NKAIN3: variants seen among roughly 807,000 people sequenced by gnomAD.
NKAIN3 encodes the protein sodium/potassium transporting ATPase interacting 3, also known as sodium/potassium-transporting ATPase subunit beta-1-interacting protein 3.
A neutral mutation model predicts 30.2 loss-of-function variants in NKAIN3; 25 were observed. The ratio of observed to expected loss-of-function variants is 0.83; its 90% CI spans 0.60 to 1.16. The LOEUF is 1.16. NKAIN3 is among the 50% of genes most tolerant of loss of function. NKAIN3 has a pLI of 0.00. For missense variants in NKAIN3, 225 were observed against 254.1 expected, an observed-to-expected ratio of 0.89 and a Z score of 0.78; for synonymous variants, 91 against 89.6, an observed-to-expected ratio of 1.02 and a Z score of -0.09.
chr8:62,475,307 T>C (rs1806483309), intron 1 of NKAIN3, among the ~76,000 whole-genome samples: 1 of 152,206 alleles, frequency 6.6e-6, no homozygotes, highest in African/African-American at 2.4e-5. Context: ...TTACTATCTC[T>C]ATCTTTGCTA....
rs548490244 is a variant in NKAIN3, at chr8:62,969,482, C to A, written c.*4075C>A. Among the ~76,000 whole-genome samples, 2 of 152,146 alleles carry A rather than the reference C, an allele frequency of 1.3e-5. No individual in the cohort carries two copies. Among genetic ancestry groups the A allele is most frequent in the African/African-American group, 4.8e-5 (2 of 41,434 alleles). ...CTTCATTTCATACCTAATTTTAAAACGAATTGTGTCCCCAAATATGGTCTA... is the reference window on the plus strand; with the variant it reads ...CTTCATTTCATACCTAATTTTAAAAAGAATTGTGTCCCCAAATATGGTCTA... On this transcript the variant is annotated 3_prime_UTR_variant, in exon 7 of 7. Transcript: ENST00000623646.
intron 1 of NKAIN3, among the ~76,000 whole-genome samples, chr8:62,570,457 G>A (rs1032103131): frequency 3.9e-5 from 6 of 152,164 alleles, no homozygotes; most frequent in Non-Finnish European, 7.3e-5. Context: ...TGGACTTACA[G>A]TTCCACGTGG....
chr8:62,918,241 C>T (rs760920225), intron 4 of NKAIN3, among the ~76,000 whole-genome samples: 8 of 152,156 alleles, frequency 5.3e-5, no homozygotes, highest in Non-Finnish European at 8.8e-5. Context: ...CTGGTTTCTT[C>T]CCCCATTTCT....
At chr8:62,474,824 G>A (rs1336587247) in intron 1 of NKAIN3, among the ~76,000 whole-genome samples, 1 of 151,978 alleles carries the variant, frequency 6.6e-6, no homozygotes, top group Non-Finnish European at 1.5e-5. Flanking sequence ...GATCTAATAA[G>A]GAATAAAGAA....
At chr8:62,890,008 A>T (rs1821256129) in intron 4 of NKAIN3, among the ~76,000 whole-genome samples, 1 of 152,190 alleles carries the variant, frequency 6.6e-6, no homozygotes, top group Non-Finnish European at 1.5e-5. Context: ...TACAAGCTCT[A>T]TATTCACCTT....
At chr8:62,451,778 T>A (rs1563404895) in intron 1 of NKAIN3, among the ~76,000 whole-genome samples, 1 of 152,184 alleles carries the variant, frequency 6.6e-6, no homozygotes, top group Non-Finnish European at 1.5e-5. Flanking sequence ...AACACAATTT[T>A]AAAATATTCA....
chr8:62,759,312 G>A lies in NKAIN3; in HGVS notation c.471+12183G>A, dbSNP rs560067680. ...CTAAATTTTAACAATATTTAATTTAGTAATGGTAGAAATCAATTCAATGAT... is the reference window on the plus strand; with the variant it reads ...CTAAATTTTAACAATATTTAATTTAATAATGGTAGAAATCAATTCAATGAT... On this transcript the variant is annotated intron_variant, in intron 4 of 6. Coordinates refer to ENST00000623646, the MANE Select transcript of NKAIN3 (RefSeq NM_001304533.3). 2.0e-5 allele frequency among the ~76,000 whole-genome samples: 3 copies of A among 152,210 alleles called. No homozygotes were observed. The East Asian group carries it at 5.8e-4, about 29-fold the overall frequency.
intron 4 of NKAIN3, among the ~76,000 whole-genome samples, chr8:62,785,301 A>G (rs577957091): frequency 6.6e-6 from 1 of 152,298 alleles, no homozygotes; most frequent in East Asian, 1.9e-4. Context: ...AAAACATTAT[A>G]AGTTAAAGAA....
Position 62,745,577 on chromosome 8 carries a change from A to G in NKAIN3, c.274-1355A>G, listed in dbSNP as rs1313694189. 1.3e-5 allele frequency among the ~76,000 whole-genome samples: 2 copies of G among 152,100 alleles called. 1 individual carries two copies. The highest frequency in any genetic ancestry group is 1.3e-4 in the Admixed American group (2 of 15,278). The stretch of plus-strand genomic sequence containing the variant: ...CCTGGTCCCTAATCTGTTCTTTTCA[A>G]TCTATTGTTTATGACCACAACATTA... On this transcript the variant is annotated intron_variant, in intron 3 of 6. Transcript: ENST00000623646.
intron 3 of NKAIN3, among the ~76,000 whole-genome samples, chr8:62,727,188 AG>A (rs1192931579): frequency 6.6e-6 from 1 of 152,114 alleles, no homozygotes; most frequent in Non-Finnish European, 1.5e-5. Context: ...TTAGGAATAG[AG>A]GGGGACTTCC....
rs570599279 is a variant in NKAIN3, at chr8:62,544,309, AT to A, written c.55-35223del. On this transcript the variant is annotated intron_variant, in intron 1 of 6. Coordinates refer to ENST00000623646, the MANE Select transcript of NKAIN3 (RefSeq NM_001304533.3). ...TGAGCCACTGAATCCAGACTTGTGT[AT>A]TTTTTTCAACTTATTTTATCTTCTT... Among the ~76,000 whole-genome samples the A allele has an allele frequency of 2.0e-3, 301 of 152,168 alleles. 1 individual carries two copies. The highest frequency in any genetic ancestry group is 7.1e-3 in the African/African-American group (295 of 41,542).
At chr8:62,444,784 A>G (rs1805431114) in intron 1 of NKAIN3, among the ~76,000 whole-genome samples, 1 of 152,058 alleles carries the variant, frequency 6.6e-6, no homozygotes, top group South Asian at 2.1e-4. Flanking sequence ...AAACCTCCAT[A>G]CACTTTTCCT....
At chr8:62,823,716 G>A (rs1321462739) in intron 4 of NKAIN3, among the ~76,000 whole-genome samples, 1 of 152,106 alleles carries the variant, frequency 6.6e-6, no homozygotes, top group Non-Finnish European at 1.5e-5. Context: ...CTGGAGATTT[G>A]TATATTTAGG....
At chr8:62,631,441 A>G (rs542210527) in intron 3 of NKAIN3, among the ~76,000 whole-genome samples, 1 of 152,186 alleles carries the variant, frequency 6.6e-6, no homozygotes, top group Middle Eastern at 3.4e-3. Flanking sequence ...TATATCCACA[A>G]TGTCCTGATG....
chr8:62,352,613 G>A (rs185042306), intron 1 of NKAIN3, among the ~76,000 whole-genome samples: 14 of 152,268 alleles, frequency 9.2e-5, no homozygotes, highest in African/African-American at 3.4e-4. Context: ...CAACATTAAA[G>A]ATAACTGGCA....
chr8:62,848,156 T>G (rs1230050967), intron 4 of NKAIN3, among the ~76,000 whole-genome samples: 1 of 152,188 alleles, frequency 6.6e-6, no homozygotes, highest in Non-Finnish European at 1.5e-5. Context: ...GCCTTGGTTA[T>G]TTTGGCTCTT....
chr8:62,697,093 A>T (rs769042), intron 3 of NKAIN3, among the ~76,000 whole-genome samples: 3 of 151,962 alleles, frequency 2.0e-5, no homozygotes, highest in East Asian at 1.9e-4. Flanking sequence ...AAACTGCAGC[A>T]GGCGTAATCC....
At chr8:62,490,061 A>G (rs1348820787) in intron 1 of NKAIN3, among the ~76,000 whole-genome samples, 1 of 152,254 alleles carries the variant, frequency 6.6e-6, no homozygotes, top group Admixed American at 6.5e-5. Flanking sequence ...TAATTTATTT[A>G]CATTAAAAGT....
chr8:62,494,949 C>A (rs897184664), intron 1 of NKAIN3, among the ~76,000 whole-genome samples: 1 of 151,754 alleles, frequency 6.6e-6, no homozygotes, highest in Non-Finnish European at 1.5e-5. Context: ...TTAGCTTTTT[C>A]AAAAAAATGA....
Sources: gnomAD v4.1 joint callset for allele counts (sites outside exome capture counted in the v4.1 genomes callset) on GRCh38, gnomAD v4.1.1 for gene constraint, MANE v1.5 for transcripts, NCBI Gene and HGNC (gene_info 2026-07-23, HGNC 2026-07-21) for gene names.